The following SNX6 variants were observed in gnomAD, a reference collection of about 807,000 sequenced individuals.
SNX6 encodes the protein sorting nexin-6.
A neutral mutation model predicts 63.0 loss-of-function variants in SNX6; 34 were observed. The observed-to-expected ratio is 0.54, with a 90% CI of 0.41 to 0.72. SNX6 has a LOEUF of 0.72. SNX6 is among the 30% of genes least tolerant of loss of function. SNX6 has a pLI of 0.00. For missense variants in SNX6, 398 were observed against 471.4 expected (o/e 0.84, Z 1.44); for synonymous variants, 170 against 164.2 (o/e 1.04, Z -0.27).
intron 2 of SNX6, among the ~76,000 whole-genome samples, chr14:34,617,014 G>A (rs560301331): frequency 7.9e-5 from 12 of 152,102 alleles, no homozygotes; most frequent in East Asian, 3.9e-4. Flanking sequence ...TCCAGGAGGC[G>A]GAGGCTGCAG....
chr14:34,571,820 G>A (rs1339918106), intron 11 of SNX6, among the ~76,000 whole-genome samples: 3 of 152,152 alleles, frequency 2.0e-5, no homozygotes, highest in Admixed American at 2.0e-4. Context: ...AAATAAAGCT[G>A]CTGTGAACAC....
rs374115897 is a variant in SNX6, at chr14:34,578,323, G to A, written c.835-2481C>T. Among the ~76,000 whole-genome samples the A allele has an allele frequency of 4.6e-4, 70 of 152,120 alleles. 2 individuals carry two copies. In the South Asian group the frequency reaches 0.014, roughly 31 times the overall value. On this transcript the variant is annotated intron_variant, in intron 10 of 13. Transcript: ENST00000362031. ...ACTTTTCTGTAAGTCTGAAATTACCGCCAAAATAAAAAATTAAAGTAAGGC... is the reference window on the plus strand; with the variant it reads ...ACTTTTCTGTAAGTCTGAAATTACCACCAAAATAAAAAATTAAAGTAAGGC...
intron 2 of SNX6, among the ~76,000 whole-genome samples, chr14:34,629,047 C>A (rs192290085): frequency 2.0e-5 from 3 of 150,726 alleles, no homozygotes; most frequent in South Asian, 2.1e-4. Context: ...AAAGGCCTGG[C>A]GGAGTGTGTA....
chr14:34,585,740 C>T (rs1023917755), intron 9 of SNX6, among the ~76,000 whole-genome samples: 9 of 151,364 alleles, frequency 5.9e-5, no homozygotes, highest in African/African-American at 1.7e-4. Flanking sequence ...GCTGGGATTA[C>T]AGGCACACAC....
intron 10 of SNX6, among the ~76,000 whole-genome samples, chr14:34,577,020 A>T (rs1218523978): frequency 1.3e-5 from 2 of 151,960 alleles, no homozygotes; most frequent in Non-Finnish European, 2.9e-5. Flanking sequence ...ACTACATTCC[A>T]GCCTGGGTGA....
intron 8 of SNX6, among the ~76,000 whole-genome samples, chr14:34,587,401 C>T (rs909625941): frequency 3.3e-5 from 5 of 151,268 alleles, no homozygotes; most frequent in East Asian, 2.0e-4. Context: ...AGTGTGGTGG[C>T]AGGCACCTGT....
intron 10 of SNX6, among the ~76,000 whole-genome samples, chr14:34,578,364 G>A (rs1326637734): frequency 1.3e-5 from 2 of 151,898 alleles, no homozygotes; most frequent in Non-Finnish European, 2.9e-5. Context: ...CCTTAATAAG[G>A]CTCATGCCTG....
chr14:34,595,708 T>C (rs1484898927), intron 7 of SNX6, among the ~76,000 whole-genome samples: 1 of 152,214 alleles, frequency 6.6e-6, no homozygotes, highest in African/African-American at 2.4e-5. Flanking sequence ...AAGTATCCAC[T>C]GACCTGTCTC....
intron 4 of SNX6, among the ~76,000 whole-genome samples, chr14:34,607,471 A>T (rs1883066849): frequency 6.6e-6 from 1 of 151,352 alleles, no homozygotes; most frequent in Admixed American, 6.6e-5. Flanking sequence ...TTAGCCGGGC[A>T]TGGTGGTGGG....
intron 9 of SNX6, among the ~76,000 whole-genome samples, chr14:34,583,992 C>T (rs1882050664): frequency 6.6e-6 from 1 of 151,496 alleles, no homozygotes; most frequent in Non-Finnish European, 1.5e-5. Context: ...GGATTACAGG[C>T]ATGCGCCACC....
chr14:34,566,504 G>A (rs536871375), intron 13 of SNX6, among the ~76,000 whole-genome samples: 2 of 152,164 alleles, frequency 1.3e-5, no homozygotes, highest in South Asian at 2.1e-4. Context: ...GTGAGCCACC[G>A]CACCCAGCCT....
At chr14:34,591,048 C>T (rs1882371641) in intron 8 of SNX6, among the ~76,000 whole-genome samples, 1 of 151,990 alleles carries the variant, frequency 6.6e-6, no homozygotes, top group South Asian at 2.1e-4. Context: ...GAAAGCAGAT[C>T]AGTGGCTGCC....
intron 8 of SNX6, among the ~76,000 whole-genome samples, chr14:34,587,597 A>T (rs1321672894): frequency 6.6e-6 from 1 of 150,426 alleles, no homozygotes; most frequent in Non-Finnish European, 1.5e-5. Context: ...ATCCTGGGCG[A>T]TAGAGCTAGA....
At chr14:34,571,389 T>C (rs1320897866) in intron 11 of SNX6, among the ~76,000 whole-genome samples, 3 of 151,816 alleles carry the variant, frequency 2.0e-5, no homozygotes, top group Non-Finnish European at 4.4e-5. Context: ...GCCGAGATCA[T>C]GCCACGGCAC....
chr14:34,598,494 T>C (rs1440882855), intron 6 of SNX6, among the ~76,000 whole-genome samples: 1 of 152,174 alleles, frequency 6.6e-6, no homozygotes, highest in East Asian at 1.9e-4. Flanking sequence ...TGGGTTCAAG[T>C]AATTTTCCTG....
At chr14:34,584,528 T>C (rs1233058421) in intron 9 of SNX6, among the ~76,000 whole-genome samples, 1 of 151,976 alleles carries the variant, frequency 6.6e-6, no homozygotes, top group Admixed American at 6.6e-5. Flanking sequence ...AGACACCGTC[T>C]TCCGGGGGGC....
intron 6 of SNX6, among the ~76,000 whole-genome samples, chr14:34,601,842 G>C (rs902043357): frequency 1.3e-5 from 2 of 150,432 alleles, no homozygotes; most frequent in East Asian, 4.0e-4. Context: ...TGATCTGCCC[G>C]GCTTGGCCTC....
chr14:34,593,173 A>G (rs763929983), intron 7 of SNX6, 23 bp from the exon 8 acceptor site: 41 of 1,473,658 alleles, frequency 2.8e-5, no homozygotes, highest in Non-Finnish European at 3.8e-5. Flanking sequence ...AAGAAAATAT[A>G]AACTTTTTTC....
At position 34,567,769 on chromosome 14, in the gene SNX6, G is replaced by A. The variant is rs760779667; in HGVS notation, c.1084C>T (p.Leu362Phe). ...ACTCTTCTTGTCTTAAAATCTATAA[G>A]TTCTGTGAAAAAGAAATTAGGATTA... ...EKISESAKQELIDFKTRRVAA... is the reference protein window; with the variant it reads ...EKISESAKQEFIDFKTRRVAA... The change falls in exon 13 of 14, where the codon CTT becomes TTT. Residue 362 changes from leucine (L) to phenylalanine (F), a missense_variant and splice_region_variant. Transcript: ENST00000362031. The A allele has an allele frequency of 8.7e-6, 14 of 1,613,032 alleles. No individual in the cohort carries two copies. Among genetic ancestry groups the A allele is most frequent in the Admixed American group, 1.7e-5 (1 of 59,944 alleles).
Sources: gnomAD v4.1 joint callset for allele counts (sites outside exome capture counted in the v4.1 genomes callset) on GRCh38, gnomAD v4.1.1 for gene constraint, MANE v1.5 for transcripts, NCBI Gene and HGNC (gene_info 2026-07-23, HGNC 2026-07-21) for gene names.